KLC4: variants seen among roughly 807,000 people sequenced by gnomAD.
The protein encoded by KLC4 is kinesin light chain 4.
A neutral mutation model predicts 77.2 loss-of-function variants in KLC4; 49 were observed. That is an observed-to-expected ratio of 0.63 (90% CI 0.50 to 0.80). The LOEUF (loss-of-function observed/expected upper bound fraction) is 0.80. KLC4 is among the 30% of genes least tolerant of loss of function. The probability of loss-of-function intolerance (pLI) is 0.00; values close to 1 mark genes in which losing one functional copy is unlikely to be tolerated. For missense variants in KLC4, 669 were observed against 793.5 expected (o/e 0.84, Z 1.89); for synonymous variants, 274 against 314.5 (o/e 0.87, Z 1.36).
At chr6:43,064,764 C>T (rs73436420) in intron 3 of KLC4, among the ~76,000 whole-genome samples, 7,642 of 152,196 alleles carry the variant, frequency 0.05, 260 homozygotes, top group African/African-American at 0.082. Flanking sequence ...ATTGGTGAAG[C>T]TGGGTAGGAG....
Position 43,070,799 on chromosome 6 carries a change from A to C in KLC4, c.1089A>C (p.Ala363=), listed in dbSNP as rs778552609. 3 of 1,613,842 alleles carry C rather than the reference A, an allele frequency of 1.9e-6. No homozygotes were observed. Among genetic ancestry groups the C allele is most frequent in the Non-Finnish European group, 2.5e-6 (3 of 1,179,950 alleles). Residue 363 remains alanine (A), a synonymous_variant, in exon 8 of 16, where the codon GCA becomes GCC. Transcript: ENST00000347162. ...CCGTGGAACGCTACTACCAGCGAGC[A>C]CTGGCCATCTACGAGGGGCAGCTGG... is the stretch of plus-strand genomic sequence containing the variant. The part of the protein sequence containing the change: ...YEAVERYYQR[A]LAIYEGQLGP...
At chr6:43,063,253 C>A in intron 3 of KLC4, 106 bp downstream of exon 3, 1 of 759,296 alleles carries the variant, frequency 1.3e-6, no homozygotes, top group Non-Finnish European at 2.1e-6. Context: ...CTCTACCCAA[C>A]CTGCTCTCAC....
chr6:43,071,777 C>T (rs950403173), intron 10 of KLC4, 75 bp from the exon 11 acceptor site: 17 of 1,531,664 alleles, frequency 1.1e-5, no homozygotes, highest in Admixed American at 1.9e-5. Context: ...CCCATGCCAC[C>T]TTGCATCTCA....
chr6:43,066,871 C>T, intron 5 of KLC4, 125 bp from the exon 6 acceptor site: 6 of 1,412,120 alleles, frequency 4.2e-6, no homozygotes, highest in South Asian at 2.8e-5. Context: ...ACTGTCCACG[C>T]CAGGCTTCCT....
chr6:43,074,533 C>A, intron 15 of KLC4, 89 bp from the exon 16 acceptor site: 1 of 1,079,374 alleles, frequency 9.3e-7, no homozygotes, highest in Non-Finnish European at 1.4e-6. Flanking sequence ...TCCAGAGATA[C>A]ACTGTGACCA....
chr6:43,071,658 G>A (rs1765737332), intron 10 of KLC4, 39 bp downstream of exon 10: 1 of 1,596,436 alleles, frequency 6.3e-7, no homozygotes, highest in Non-Finnish European at 8.6e-7. Flanking sequence ...GGGAGCTCAA[G>A]GCTACCGGGG....
At chr6:43,066,259 C>T in intron 4 of KLC4, 47 bp from the exon 5 acceptor site, 2 of 1,521,004 alleles carry the variant, frequency 1.3e-6, no homozygotes, top group South Asian at 2.2e-5. Flanking sequence ...GGGCAGACAG[C>T]AAAGGGGAGA....
rs565110567 is a variant in KLC4, at chr6:43,063,275, C to G, written c.489+128C>G. On this transcript the variant is annotated intron_variant, in intron 3 of 15. Coordinates refer to ENST00000347162, the MANE Select transcript of KLC4 (RefSeq NM_201521.3). Reference sequence around the variant, plus strand: ...CAACCTGCTCTCACCTGAAAGAATTCCTTTTTCAGCCCTGACACCAACTCC... The same window carrying G: ...CAACCTGCTCTCACCTGAAAGAATTGCTTTTTCAGCCCTGACACCAACTCC... The G allele has an allele frequency of 5.7e-5, 38 of 672,004 alleles. No individual in the cohort carries two copies. In the South Asian group the frequency reaches 7.3e-4, roughly 13 times the overall value. 41.6% of individuals were successfully genotyped at this position (672,004 alleles called of 1,614,324 possible).
intron 5 of KLC4, among the ~76,000 whole-genome samples, 159 bp downstream of exon 5, chr6:43,066,684 C>G (rs900736755): frequency 2.6e-5 from 4 of 152,192 alleles, no homozygotes; most frequent in African/African-American, 9.7e-5. Flanking sequence ...AGAACTCTCA[C>G]TTTTCCCATA....
At position 43,072,194 on chromosome 6, in the gene KLC4, G is replaced by T. The variant is rs748079269; in HGVS notation, c.1427G>T (p.Arg476Leu). The T allele has an allele frequency of 6.2e-6, 10 of 1,614,154 alleles. No individual in the cohort carries two copies. The highest frequency in any genetic ancestry group is 8.5e-6 in the Non-Finnish European group (10 of 1,180,022). The change falls in exon 12 of 16, where the codon CGC (arginine) becomes CTC (leucine). Residue 476 changes from arginine to leucine, a missense_variant. Coordinates refer to ENST00000347162, the MANE Select transcript of KLC4 (RefSeq NM_201521.3). The stretch of plus-strand genomic sequence containing the variant: ...AGAAACCTGGGAGCTCTGTATAGGC[G>T]CCAGGGAAAGCTGGAGGCTGCTGAG... ...TLRNLGALYR[R>L]QGKLEAAETL...
At chr6:43,073,859 G>T in intron 14 of KLC4, 43 bp from the exon 15 acceptor site, 1 of 1,588,710 alleles carries the variant, frequency 6.3e-7, no homozygotes, top group Non-Finnish European at 8.6e-7. Context: ...AGGCCACTCA[G>T]GAGGAAGAGA....
At chr6:43,074,499 TC>T in intron 15 of KLC4, 122 bp from the exon 16 acceptor site, 1 of 868,156 alleles carries the variant, frequency 1.2e-6, no homozygotes, top group African/African-American at 1.6e-5. Context: ...GATAGACTGG[TC>T]CAGAGACAGA....
chr6:43,060,360 TG>T, intron 1 of KLC4: 1 of 1,524,624 alleles, frequency 6.6e-7, no homozygotes, highest in Non-Finnish European at 8.9e-7. Context: ...GAGGCTGGCT[TG>T]GGGAAGGAGA....
intron 3 of KLC4, 125 bp downstream of exon 3, chr6:43,063,272 A>G: frequency 1.4e-6 from 1 of 700,470 alleles, no homozygotes; most frequent in East Asian, 2.7e-5. Flanking sequence ...ACCTGAAAGA[A>G]TTCCTTTTTC....
chr6:43,061,281 C>T lies in KLC4; in HGVS notation c.-25-30C>T, dbSNP rs372599006. The T allele has an allele frequency of 8.2e-6, 13 of 1,590,268 alleles. No individual in the cohort carries two copies. In the African/African-American group the frequency reaches 1.6e-4, roughly 20 times the overall value. ...GCTCAGCTTCTCTGTCTCATCTTTACACCAGCTGAACTCTGTTGTTTCTCC... is the reference window on the plus strand; with the variant it reads ...GCTCAGCTTCTCTGTCTCATCTTTATACCAGCTGAACTCTGTTGTTTCTCC... On this transcript the variant is annotated intron_variant, in intron 1 of 15. Coordinates refer to ENST00000347162, the MANE Select transcript of KLC4 (RefSeq NM_201521.3).
At chr6:43,070,898 A>C in intron 8 of KLC4, 33 bp downstream of exon 8, 7 of 406,088 alleles carry the variant, frequency 1.7e-5, no homozygotes, top group Admixed American at 3.3e-5. Flanking sequence ...GGTGGAAGAA[A>C]CGGAGAGGGG....
At chr6:43,062,017 G>A (rs939766263) in intron 2 of KLC4, among the ~76,000 whole-genome samples, 15 of 152,116 alleles carry the variant, frequency 9.9e-5, no homozygotes, top group Non-Finnish European at 1.6e-4. Context: ...AAGTTGAGGG[G>A]AATGAGTCAT....
intron 1 of KLC4, chr6:43,060,172 A>G: frequency 6.2e-7 from 1 of 1,613,084 alleles, no homozygotes; most frequent in Non-Finnish European, 8.5e-7. Context: ...GATTCCTCTC[A>G]GAGCCTGTTT....
At position 43,070,378 on chromosome 6, in the gene KLC4, G is replaced by T. The variant is rs1315034176; in HGVS notation, c.904G>T (p.Ala302Ser). The change falls in exon 7 of 16, where the codon GCT becomes TCT. Residue 302 changes from alanine (A) to serine (S), a missense_variant. Coordinates refer to ENST00000347162, the MANE Select transcript of KLC4 (RefSeq NM_201521.3). ...GGTGGCTGCCACACTCAACAATTTG[G>T]CTGTGCTCTATGGCAAAAGGGGCAA... Reference protein sequence around the residue: ...PAVAATLNNLAVLYGKRGKYK... With the variant: ...PAVAATLNNLSVLYGKRGKYK... 1.9e-6 allele frequency: 3 copies of T among 1,614,044 alleles called. No individual in the cohort carries two copies. Among genetic ancestry groups the T allele is most frequent in the Non-Finnish European group, 2.5e-6 (3 of 1,179,914 alleles).
Sources: gnomAD v4.1 joint callset for allele counts (sites outside exome capture counted in the v4.1 genomes callset) on GRCh38, gnomAD v4.1.1 for gene constraint, MANE v1.5 for transcripts, NCBI Gene and HGNC (gene_info 2026-07-23, HGNC 2026-07-21) for gene names.